Variants in HACL1 observed in about 807,000 individuals in gnomAD.
HACL1 encodes 1600020H07Rik.
Under a neutral mutation model 74.2 loss-of-function variants are expected in HACL1, and 64 were observed. The observed-to-expected ratio is 0.86, with a 90% CI of 0.70 to 1.06. The LOEUF is 1.06. Among genes scored for constraint, HACL1 ranks in the 50% least tolerant of loss-of-function variants. The probability of loss-of-function intolerance (pLI) is 0.00; values close to 1 mark genes in which losing one functional copy is unlikely to be tolerated. For synonymous variants in HACL1, 230 were observed against 238.8 expected (o/e 0.96, Z 0.34); for missense variants, 728 against 719.7 (o/e 1.01, Z -0.13).
At chr3:15,569,878 T>C (rs1214176808) in intron 12 of HACL1, among the ~76,000 whole-genome samples, 2 of 151,080 alleles carry the variant, frequency 1.3e-5, no homozygotes, top group Non-Finnish European at 2.9e-5. Flanking sequence ...TAATCCCAGC[T>C]ACTCGGGAGG....
intron 3 of HACL1, among the ~76,000 whole-genome samples, chr3:15,592,009 C>T (rs558608693): frequency 3.4e-5 from 5 of 145,970 alleles, no homozygotes; most frequent in African/African-American, 5.1e-5. Flanking sequence ...ATACTATATA[C>T]GTATATATAC....
At chr3:15,586,648 T>C (rs775460302) in intron 5 of HACL1, 46 bp from the exon 6 acceptor site, 1 of 1,055,424 alleles carries the variant, frequency 9.5e-7, no homozygotes, top group South Asian at 1.3e-5. Context: ...CACAATCATG[T>C]TACTCTCCTG....
In HACL1 at chr3:15,596,442, TG is replaced by T; in HGVS notation, c.187-19del. Reference sequence around the variant, plus strand: ...TAACAAGCCTACGAGAAAACAACACTGGGACTTGAGCATATTGGGATCCTTA... The same window carrying T: ...TAACAAGCCTACGAGAAAACAACACTGGACTTGAGCATATTGGGATCCTTA... On this transcript the variant is annotated intron_variant, in intron 2 of 16. Transcript: ENST00000321169. The T allele has an allele frequency of 6.5e-7, 1 of 1,549,674 alleles. No individual in the cohort carries two copies. The highest frequency in any genetic ancestry group is 8.9e-7 in the Non-Finnish European group (1 of 1,121,496).
chr3:15,566,571 C>T (rs559560747), intron 14 of HACL1, among the ~76,000 whole-genome samples: 20 of 152,056 alleles, frequency 1.3e-4, no homozygotes, highest in Non-Finnish European at 2.6e-4. Context: ...AGGCAGGATC[C>T]GTTGAACTTG....
intron 14 of HACL1, among the ~76,000 whole-genome samples, chr3:15,565,166 GAA>G (rs992716736): frequency 8.1e-6 from 1 of 123,710 alleles, no homozygotes; most frequent in Non-Finnish European, 1.8e-5. Flanking sequence ...CTCCATCTCA[GAA>G]AAAAAAAAAA....
intron 16 of HACL1, among the ~76,000 whole-genome samples, chr3:15,561,670 T>C (rs2063349551): frequency 6.6e-6 from 1 of 152,130 alleles, no homozygotes; most frequent in South Asian, 2.1e-4. Context: ...AACATAGGTC[T>C]CAAGATGATG....
intron 10 of HACL1, among the ~76,000 whole-genome samples, chr3:15,574,339 G>T (rs1559551469): frequency 6.6e-6 from 1 of 152,200 alleles, no homozygotes; most frequent in Non-Finnish European, 1.5e-5. Flanking sequence ...CTGCACTCCT[G>T]CCTGGGTGAC....
At chr3:15,580,971 G>A (rs573474339) in intron 8 of HACL1, among the ~76,000 whole-genome samples, 92 of 152,330 alleles carry the variant, frequency 6.0e-4, no homozygotes, top group African/African-American at 2.2e-3. Flanking sequence ...GCGCGATCTC[G>A]GTTCACTGCA....
intron 14 of HACL1, among the ~76,000 whole-genome samples, chr3:15,565,978 TA>T (rs1212354667): frequency 6.6e-6 from 1 of 152,236 alleles, no homozygotes; most frequent in African/African-American, 2.4e-5. Flanking sequence ...TAGACATCAT[TA>T]AAAATATATG....
At chr3:15,574,549 T>G (rs1337245203) in intron 10 of HACL1, among the ~76,000 whole-genome samples, 1 of 152,266 alleles carries the variant, frequency 6.6e-6, no homozygotes, top group African/African-American at 2.4e-5. Context: ...TGCTGTTTAA[T>G]GACTTGTAAA....
At chr3:15,567,744 C>T in intron 14 of HACL1, 100 bp downstream of exon 14, 2 of 1,087,676 alleles carry the variant, frequency 1.8e-6, no homozygotes, top group Non-Finnish European at 1.4e-6. Context: ...CACAGGGCAC[C>T]TGGTGAACGC....
intron 10 of HACL1, among the ~76,000 whole-genome samples, chr3:15,574,307 G>A (rs2125243886): frequency 6.6e-6 from 1 of 152,344 alleles, no homozygotes; most frequent in South Asian, 2.1e-4. Flanking sequence ...GGTTGAGACT[G>A]AAGTGAGCCA....
chr3:15,593,285 C>A (rs2063990540), intron 3 of HACL1, among the ~76,000 whole-genome samples: 1 of 151,716 alleles, frequency 6.6e-6, no homozygotes, highest in South Asian at 2.1e-4. Context: ...ATGATCAGGG[C>A]TCACTGCAGC....
At chr3:15,592,198 A>ACGTATACATGCG (rs1299900993) in intron 3 of HACL1, among the ~76,000 whole-genome samples, 3 of 147,524 alleles carry the variant, frequency 2.0e-5, no homozygotes, top group East Asian at 4.0e-4. Context: ...ATACGTATAT[A>ACGTATACATGCG]TGTATACATG....
In HACL1 at chr3:15,592,597, T is replaced by G. The variant is rs567529544; in HGVS notation, c.228-917A>C. 2.5e-5 allele frequency among the ~76,000 whole-genome samples: 3 copies of G among 120,776 alleles called. No homozygotes were observed. The Admixed American group carries it at 2.6e-4, about 11-fold the overall frequency. The allele number at this position is 120,776 out of a possible 152,430, so 79.2% of individuals were successfully genotyped here. A position where few individuals can be genotyped will look rare whatever the true frequency, so the allele number is the denominator to read the frequency against. ...ACGCACATGTGTGCGTGTATACACA[T>G]GTACGCACATGTGTGCGTGTATACA... On this transcript the variant is annotated intron_variant, in intron 3 of 16. Transcript: ENST00000321169.
chr3:15,593,155 A>G (rs1018411218), intron 3 of HACL1, among the ~76,000 whole-genome samples: 5 of 148,178 alleles, frequency 3.4e-5, no homozygotes. Context: ...ACACACATAC[A>G]CACATACGTA....
chr3:15,583,997 C>A (rs956837610), intron 7 of HACL1, among the ~76,000 whole-genome samples: 62 of 152,072 alleles, frequency 4.1e-4, no homozygotes, highest in Non-Finnish European at 5.1e-4. Context: ...ATTTTAGTAT[C>A]ATAATATGCA....
chr3:15,567,351 A>G (rs1034634900), intron 14 of HACL1, among the ~76,000 whole-genome samples: 5 of 151,294 alleles, frequency 3.3e-5, no homozygotes, highest in African/African-American at 1.2e-4. Context: ...CTGGGATTAC[A>G]GGCATGCATC....
At chr3:15,575,835 C>T (rs1002459155) in intron 9 of HACL1, among the ~76,000 whole-genome samples, 1 of 151,978 alleles carries the variant, frequency 6.6e-6, no homozygotes, top group Non-Finnish European at 1.5e-5. Flanking sequence ...ACCACTGCAC[C>T]TGGCTGTCTC....
Sources: gnomAD v4.1 joint callset for allele counts (sites outside exome capture counted in the v4.1 genomes callset) on GRCh38, gnomAD v4.1.1 for gene constraint, MANE v1.5 for transcripts, NCBI Gene and HGNC (gene_info 2026-07-23, HGNC 2026-07-21) for gene names.